Variants in HLCS observed in about 807,000 individuals in gnomAD.
HLCS encodes the protein holocarboxylase synthetase.
In HLCS, 53 loss-of-function variants were observed where a neutral mutation model predicts 75.0. That is an observed-to-expected ratio of 0.71 (90% CI 0.57 to 0.89). The LOEUF is 0.89. Among genes scored for constraint, HLCS ranks in the 40% least tolerant of loss-of-function variants. HLCS has a pLI of 0.00. For missense variants in HLCS, 966 were observed against 1,074.0 expected (o/e 0.90, Z 1.41); for synonymous variants, 431 against 428.6 (o/e 1.01, Z -0.07).
rs150139257 is a variant in HLCS at position 36,844,575 on chromosome 21, A to G, written c.1892+52285T>C. Among the ~76,000 whole-genome samples, 28 of 152,342 alleles carry G rather than the reference A, an allele frequency of 1.8e-4. No individual in the cohort carries two copies. In the East Asian group the frequency reaches 5.2e-3, roughly 28 times the overall value. On this transcript the variant is annotated intron_variant, in intron 6 of 10. Transcript: ENST00000674895. ...TTAGAATACACAGGCCACAGGAAAG[A>G]ACAAAAGCTTTCACTATTTTCAGGG...
chr21:36,888,560 T>C (rs1270467347), intron 6 of HLCS, among the ~76,000 whole-genome samples: 1 of 148,696 alleles, frequency 6.7e-6, no homozygotes, highest in Non-Finnish European at 1.5e-5. Flanking sequence ...GAAAGTCAAC[T>C]GTCTCCCACA....
At chr21:36,809,268 A>G (rs8133029) in intron 6 of HLCS, among the ~76,000 whole-genome samples, 33,294 of 152,050 alleles carry the variant, frequency 0.22, 3,844 homozygotes, top group South Asian at 0.32. Context: ...GTACCTTGAA[A>G]ATGTTATTCC....
In HLCS at chr21:36,753,737, CTTCA is replaced by C. The variant is rs1325946472; in HGVS notation, c.*505_*508del. The C allele has an allele frequency of 5.8e-6, 1 of 173,350 alleles. No homozygotes were observed. The highest frequency in any genetic ancestry group is 1.2e-5 in the Non-Finnish European group (1 of 80,732). 10.7% of individuals were successfully genotyped at this position (173,350 alleles called of 1,614,324 possible). A position where few individuals can be genotyped will look rare whatever the true frequency, so the allele number is the denominator to read the frequency against. ...CTCTTGGAAGTCTGTCTTCCCTTTT[CTTCA>C]TTAATAAAAACACAGAACAATGACT... On this transcript the variant is annotated 3_prime_UTR_variant, in exon 11 of 11. Coordinates refer to ENST00000674895, the MANE Select transcript of HLCS (RefSeq NM_001352514.2). The surrounding 1 kb of genome is among the most constrained non-coding windows in gnomAD (Gnocchi z 4.3).
intron 6 of HLCS, among the ~76,000 whole-genome samples, chr21:36,831,906 T>C (rs2062224533): frequency 6.6e-6 from 1 of 152,172 alleles, no homozygotes; most frequent in Non-Finnish European, 1.5e-5. Context: ...TGCTCCCTAA[T>C]GACCTGCCCT....
At chr21:36,833,568 G>T (rs2062291025) in intron 6 of HLCS, among the ~76,000 whole-genome samples, 1 of 142,302 alleles carries the variant, frequency 7.0e-6, no homozygotes, top group African/African-American at 2.7e-5. Context: ...CTGAGGGAGA[G>T]AGTTGGAGAC....
At chr21:36,867,583 C>T (rs576732183) in intron 6 of HLCS, among the ~76,000 whole-genome samples, 1 of 152,262 alleles carries the variant, frequency 6.6e-6, no homozygotes, top group South Asian at 2.1e-4. Flanking sequence ...CCTCTATTTC[C>T]ACTCCTTTGT....
chr21:36,782,848 G>A (rs1461226063), intron 6 of HLCS, among the ~76,000 whole-genome samples: 2 of 151,882 alleles, frequency 1.3e-5, no homozygotes, highest in African/African-American at 4.8e-5. Context: ...GCTGAGCATA[G>A]TGGCAGGCAC....
chr21:36,880,788 C>T (rs1416018145), intron 6 of HLCS, among the ~76,000 whole-genome samples: 2 of 152,120 alleles, frequency 1.3e-5, no homozygotes, highest in Non-Finnish European at 2.9e-5. Flanking sequence ...ACGACCTCAT[C>T]CAAGACCACT....
intron 2 of HLCS, among the ~76,000 whole-genome samples, chr21:36,960,141 C>T (rs543037362): frequency 1.7e-4 from 20 of 116,858 alleles, no homozygotes; most frequent in South Asian, 1.5e-3. Context: ...ACCCCCCCCC[C>T]CCCCGACCCT....
intron 6 of HLCS, among the ~76,000 whole-genome samples, chr21:36,879,193 AT>A (rs11344082): frequency 1 from 152,324 of 152,324 alleles, 76,162 homozygotes; most frequent in Non-Finnish European, 1. Context: ...TATTAACCCC[AT>A]TCCTATTCAA....
rs2089408594 is a variant in HLCS at position 36,752,561 on chromosome 21, G to T, written c.*1685C>A. The T allele has an allele frequency of 6.6e-6, 1 of 152,614 alleles. No homozygotes were observed. The highest frequency in any genetic ancestry group is 1.5e-5 in the Non-Finnish European group (1 of 68,040). 9.5% of individuals were successfully genotyped at this position (152,614 alleles called of 1,614,324 possible). ...AAGTCCATTTTGTAATTTGGGGATG[G>T]TGTGGACTTGTATTTTACTTAAGTT... On this transcript the variant is annotated 3_prime_UTR_variant, in exon 11 of 11. Transcript: ENST00000674895.
chr21:36,956,824 G>C (rs557019786), intron 2 of HLCS, among the ~76,000 whole-genome samples: 3 of 152,074 alleles, frequency 2.0e-5, no homozygotes, highest in Non-Finnish European at 4.4e-5. Flanking sequence ...GCTGAGGCGG[G>C]CAGATCACCT....
intron 6 of HLCS, among the ~76,000 whole-genome samples, chr21:36,821,189 G>A (rs1391091335): frequency 1.3e-5 from 2 of 152,144 alleles, no homozygotes; most frequent in Non-Finnish European, 2.9e-5. Context: ...CTTTCACCCC[G>A]AGCTGACACC....
intron 3 of HLCS, among the ~76,000 whole-genome samples, chr21:36,938,245 T>C (rs1333613331): frequency 6.6e-6 from 1 of 152,206 alleles, no homozygotes; most frequent in Non-Finnish European, 1.5e-5. Context: ...TATTAAACTA[T>C]GTGAAATAAA....
intron 6 of HLCS, among the ~76,000 whole-genome samples, chr21:36,886,432 C>CAAAAAAAAAAAAAAAAAAAAAAAAAAA (rs11297170): frequency 1.5e-5 from 1 of 66,926 alleles, no homozygotes; most frequent in Non-Finnish European, 2.8e-5. Flanking sequence ...GACTCCATCT[C>CAAAAAAAAAAAAAAAAAAAAAAAAAAA]AAAAAAAAAA....
intron 5 of HLCS, among the ~76,000 whole-genome samples, chr21:36,910,076 C>T (rs1181078072): frequency 2.0e-5 from 3 of 152,202 alleles, no homozygotes; most frequent in Non-Finnish European, 4.4e-5. Context: ...TCTTAAAACA[C>T]TTTCAAGGAA....
chr21:36,988,608 T>C (rs899933982), intron 1 of HLCS, among the ~76,000 whole-genome samples: 6 of 152,190 alleles, frequency 3.9e-5, no homozygotes, highest in African/African-American at 1.4e-4. Flanking sequence ...TAAATGCATA[T>C]GTAGTTTTGT....
At chr21:36,780,139 T>C (rs937076788) in intron 6 of HLCS, among the ~76,000 whole-genome samples, 3 of 152,210 alleles carry the variant, frequency 2.0e-5, no homozygotes, top group African/African-American at 4.8e-5. Flanking sequence ...AACCACTAGG[T>C]TGCATACTCC....
intron 6 of HLCS, among the ~76,000 whole-genome samples, chr21:36,777,732 T>G (rs892101563): frequency 6.6e-6 from 1 of 152,142 alleles, no homozygotes; most frequent in African/African-American, 2.4e-5. Flanking sequence ...CAGGAATACA[T>G]GGAAGCGATA....
Sources: gnomAD v4.1 joint callset for allele counts (sites outside exome capture counted in the v4.1 genomes callset) on GRCh38, gnomAD v4.1.1 for gene constraint, Gnocchi (gnomAD v3.1) non-coding constraint, MANE v1.5 for transcripts, NCBI Gene and HGNC (gene_info 2026-07-23, HGNC 2026-07-21) for gene names.